The following EIF4EBP2 variants were observed in gnomAD, a reference collection of about 807,000 sequenced individuals.
The protein encoded by EIF4EBP2 is eukaryotic translation initiation factor 4E binding protein 2, also known as eukaryotic translation initiation factor 4E-binding protein 2.
Under a neutral mutation model 10.3 loss-of-function variants are expected in EIF4EBP2, and 5 were observed. The ratio of observed to expected loss-of-function variants is 0.48; its 90% confidence interval spans 0.25 to 1.02. The LOEUF (loss-of-function observed/expected upper bound fraction) is 1.02, where lower values mean the gene tolerates loss of function less well. EIF4EBP2 is among the 50% of genes least tolerant of loss of function. The pLI, the probability that EIF4EBP2 is intolerant of heterozygous loss-of-function variation, is 0.15. For synonymous variants in EIF4EBP2, 67 were observed against 61.1 expected (o/e 1.10, Z -0.45); for missense variants, 188 against 162.2 (o/e 1.16, Z -0.86).
In EIF4EBP2 at chr10:70,424,584, C is replaced by T. The variant is rs968035525; in HGVS notation, c.*2837C>T. ...TGAAACCCTTAATGAATAATGTGTC[C>T]GGGGTTTTTTAGAGAGAAGGAGCAC... On this transcript the variant is annotated 3_prime_UTR_variant, in exon 3 of 3. Coordinates refer to ENST00000373218, the MANE Select transcript of EIF4EBP2 (RefSeq NM_004096.5). 3 of 152,118 alleles carry T rather than the reference C, an allele frequency of 2.0e-5. No individual in the cohort carries two copies. The highest frequency in any genetic ancestry group is 4.4e-5 in the Non-Finnish European group (3 of 68,020). The allele number at this position is 152,118 out of a possible 1,614,324, so 9.4% of individuals were successfully genotyped here. A position where few individuals can be genotyped will look rare whatever the true frequency, so the allele number is the denominator to read the frequency against.
At chr10:70,407,845 C>A (rs1844993278) in intron 1 of EIF4EBP2, among the ~76,000 whole-genome samples, 1 of 134,152 alleles carries the variant, frequency 7.5e-6, no homozygotes, top group East Asian at 2.4e-4. Context: ...GGGCGGCTGG[C>A]CGGGCGGGGG....
At chr10:70,411,496 G>A (rs777106522) in intron 1 of EIF4EBP2, among the ~76,000 whole-genome samples, 14 of 151,884 alleles carry the variant, frequency 9.2e-5, no homozygotes, top group African/African-American at 3.1e-4. Context: ...CCGATGCCCC[G>A]TTCCTTCATC....
In EIF4EBP2 at chr10:70,420,055, A is replaced by C; in HGVS notation, c.287A>C (p.Asn96Thr). Reference protein sequence around the residue: ...TLIEDSKVEVNNLNNLNNHDR... With the variant: ...TLIEDSKVEVTNLNNLNNHDR... ...ATTGAAGACTCCAAAGTAGAAGTAA[A>C]CAATTTGAACAACTTGAACAATCAC... is the stretch of plus-strand genomic sequence containing the variant. The change falls in exon 2 of 3, where the codon AAC (asparagine) becomes ACC (threonine). Residue 96 changes from asparagine to threonine, a missense_variant. Physicochemically the swap from Asn to Thr is moderately conservative, Grantham distance 65. Coordinates refer to ENST00000373218, the MANE Select transcript of EIF4EBP2 (RefSeq NM_004096.5). 6.2e-7 allele frequency: 1 copy of C among 1,611,624 alleles called. No homozygotes were observed. Among genetic ancestry groups the C allele is most frequent in the Non-Finnish European group, 8.5e-7 (1 of 1,179,238 alleles).
rs556957909 is a variant in EIF4EBP2, at chr10:70,413,796, A to T, written c.146-6118A>T. Among the ~76,000 whole-genome samples the T allele has an allele frequency of 7.2e-5, 11 of 152,320 alleles. No homozygotes were observed. The East Asian group carries it at 2.1e-3, about 29-fold the overall frequency. On this transcript the variant is annotated intron_variant, in intron 1 of 2. Coordinates refer to ENST00000373218, the MANE Select transcript of EIF4EBP2 (RefSeq NM_004096.5). ...GACTAAGGAGCATGATTATTTTCAT[A>T]GAGAAGGAATGGAAAATTGTTTTTT...
At chr10:70,408,748 T>G (rs1564660510) in intron 1 of EIF4EBP2, among the ~76,000 whole-genome samples, 2 of 152,174 alleles carry the variant, frequency 1.3e-5, no homozygotes, top group East Asian at 3.8e-4. Flanking sequence ...AAGTAGGAAA[T>G]ACAGTCCTTG....
intron 1 of EIF4EBP2, among the ~76,000 whole-genome samples, chr10:70,409,201 T>C (rs562420168): frequency 3.9e-5 from 6 of 152,336 alleles, no homozygotes; most frequent in African/African-American, 1.4e-4. Context: ...TGCTGTAACC[T>C]CTTGGATTTC....
intron 1 of EIF4EBP2, among the ~76,000 whole-genome samples, chr10:70,410,514 C>G (rs929432488): frequency 1.4e-4 from 21 of 152,184 alleles, no homozygotes; most frequent in Middle Eastern, 3.2e-3. Flanking sequence ...GGTTATTTGC[C>G]ATAGAGCTTT....
intron 1 of EIF4EBP2, among the ~76,000 whole-genome samples, chr10:70,418,540 C>A (rs1248085712): frequency 6.6e-6 from 1 of 152,130 alleles, no homozygotes; most frequent in African/African-American, 2.4e-5. Flanking sequence ...TAGGTCACAA[C>A]ATAGTATAAT....
chr10:70,408,741 T>C (rs1257643247), intron 1 of EIF4EBP2, among the ~76,000 whole-genome samples: 2 of 152,206 alleles, frequency 1.3e-5, no homozygotes, highest in South Asian at 2.1e-4. Flanking sequence ...CAGACAAAAG[T>C]AGGAAATACA....
In EIF4EBP2 at chr10:70,419,440, G is replaced by A. The variant is rs1215315624; in HGVS notation, c.146-474G>A. 2.0e-5 allele frequency among the ~76,000 whole-genome samples: 3 copies of A among 152,058 alleles called. No individual in the cohort carries two copies. In the East Asian group the frequency reaches 5.8e-4, roughly 29 times the overall value. ...CTTTGGAAAGCCTTTAAAAGGGGCT[G>A]TTTATTTTTTCTCATACTTGTTTAT... On this transcript the variant is annotated intron_variant, in intron 1 of 2. Coordinates refer to ENST00000373218, the MANE Select transcript of EIF4EBP2 (RefSeq NM_004096.5).
intron 2 of EIF4EBP2, 131 bp downstream of exon 2, chr10:70,420,230 C>T: frequency 1.2e-6 from 1 of 858,268 alleles, no homozygotes; most frequent in Non-Finnish European, 1.7e-6. Flanking sequence ...GACACAGTCT[C>T]ATTCTGTCAC....
At position 70,420,063 on chromosome 10, in the gene EIF4EBP2, A is replaced by T; in HGVS notation, c.295A>T (p.Asn99Tyr). 6.2e-7 allele frequency: 1 copy of T among 1,610,590 alleles called. No homozygotes were observed. Among genetic ancestry groups the T allele is most frequent in the South Asian group, 1.1e-5 (1 of 90,152 alleles). ...EDSKVEVNNL[N>Y]NLNNHDRKHA... ...CTCCAAAGTAGAAGTAAACAATTTGAACAACTTGAACAATCACGACAGGAA... is the reference window on the plus strand; with the variant it reads ...CTCCAAAGTAGAAGTAAACAATTTGTACAACTTGAACAATCACGACAGGAA... The change falls in exon 2 of 3, where the codon AAC becomes TAC. Residue 99 changes from asparagine to tyrosine, a missense_variant. Transcript: ENST00000373218.
At chr10:70,405,679 G>A (rs1278598628) in intron 1 of EIF4EBP2, among the ~76,000 whole-genome samples, 2 of 152,170 alleles carry the variant, frequency 1.3e-5, no homozygotes, top group Admixed American at 6.5e-5. Flanking sequence ...CAACCAATCC[G>A]ATGCAGTTAG....
Position 70,404,456 on chromosome 10 carries a change from A to T in EIF4EBP2, c.55A>T (p.Thr19Ser). ...HQPSQSRAIPTRTVAISDAAQ... is the reference protein window; with the variant it reads ...HQPSQSRAIPSRTVAISDAAQ... ...GCCCAGCCAGAGCCGCGCCATCCCCACCCGCACCGTGGCCATCAGCGACGC... is the reference window on the plus strand; with the variant it reads ...GCCCAGCCAGAGCCGCGCCATCCCCTCCCGCACCGTGGCCATCAGCGACGC... Residue 19 changes from threonine to serine, a missense_variant, in exon 1 of 3, where the codon ACC becomes TCC. Coordinates refer to ENST00000373218, the MANE Select transcript of EIF4EBP2 (RefSeq NM_004096.5). 6.3e-7 allele frequency: 1 copy of T among 1,597,276 alleles called. No individual in the cohort carries two copies.
At chr10:70,420,876 G>C (rs544905755) in intron 2 of EIF4EBP2, among the ~76,000 whole-genome samples, 8 of 152,160 alleles carry the variant, frequency 5.3e-5, no homozygotes, top group African/African-American at 1.9e-4. Flanking sequence ...CTCACTGCAA[G>C]CTCTGGTTCC....
At chr10:70,408,464 C>T (rs1439853339) in intron 1 of EIF4EBP2, among the ~76,000 whole-genome samples, 2 of 152,200 alleles carry the variant, frequency 1.3e-5, no homozygotes, top group African/African-American at 4.8e-5. Context: ...TTTATAAGGA[C>T]ATGGTGCCGT....
intron 1 of EIF4EBP2, 95 bp downstream of exon 1, chr10:70,404,641 C>T (rs2137220626): frequency 1.5e-6 from 2 of 1,377,082 alleles, no homozygotes; most frequent in Non-Finnish European, 1.9e-6. Context: ...CCCCCGCCCC[C>T]AGCTCCACCG....
Position 70,409,223 on chromosome 10 carries a change from G to C in EIF4EBP2, c.145+4677G>C, listed in dbSNP as rs547132283. Among the ~76,000 whole-genome samples, 79 of 152,284 alleles carry C rather than the reference G, an allele frequency of 5.2e-4. No individual in the cohort carries two copies. The South Asian group carries it at 0.016, about 30-fold the overall frequency. On this transcript the variant is annotated intron_variant, in intron 1 of 2. Transcript: ENST00000373218. ...ACCTCTTGGATTTCTCATATTGCTG[G>C]AAGAGTACCCTTTCTCCTTATGAAG...
intron 1 of EIF4EBP2, among the ~76,000 whole-genome samples, chr10:70,418,579 C>T (rs1589148190): frequency 6.6e-6 from 1 of 152,246 alleles, no homozygotes; most frequent in Non-Finnish European, 1.5e-5. Context: ...TGTGATTCAT[C>T]AAGAGGGTTG....
Sources: gnomAD v4.1 joint callset for allele counts (sites outside exome capture counted in the v4.1 genomes callset) on GRCh38, gnomAD v4.1.1 for gene constraint, MANE v1.5 for transcripts, NCBI Gene and HGNC (gene_info 2026-07-23, HGNC 2026-07-21) for gene names.